Variants in SDSL observed in about 807,000 individuals in gnomAD.
SDSL encodes serine dehydratase like.
SDSL carries 26 observed loss-of-function variants against 27.6 expected under a neutral mutation model. The observed-to-expected ratio is 0.94, with a 90% confidence interval of 0.69 to 1.31. The LOEUF is 1.31. Among genes scored for constraint, SDSL ranks in the 50% most tolerant of loss-of-function variants. The pLI is 0.00. For synonymous variants in SDSL, 196 were observed against 180.6 expected, an observed-to-expected ratio of 1.09 and a Z score of -0.69; for missense variants, 431 against 423.5, an observed-to-expected ratio of 1.02 and a Z score of -0.16.
intron 1 of SDSL, among the ~76,000 whole-genome samples, chr12:113,426,812 G>A (rs949469234): frequency 6.6e-6 from 1 of 152,022 alleles, no homozygotes; most frequent in Non-Finnish European, 1.5e-5. Context: ...GGTGATGTGT[G>A]CCTGTAGTCC....
intron 1 of SDSL, among the ~76,000 whole-genome samples, chr12:113,424,017 T>A (rs190601283): frequency 2.5e-3 from 383 of 152,094 alleles, no homozygotes; most frequent in African/African-American, 8.7e-3. Flanking sequence ...TTTTTTATTA[T>A]TTTTTTTGAG....
chr12:113,435,501 T>G lies in SDSL; in HGVS notation c.616T>G (p.Cys206Gly). 5.6e-6 allele frequency: 9 copies of G among 1,614,168 alleles called. No individual in the cohort carries two copies. Among genetic ancestry groups the G allele is most frequent in the Non-Finnish European group, 7.6e-6 (9 of 1,180,002 alleles). The change falls in exon 6 of 8, where the codon TGC becomes GGC. Residue 206 changes from cysteine (C) to glycine (G), a missense_variant. Cys to Gly is a radical substitution (Grantham distance 159). Transcript: ENST00000403593. ...IIAMETHGAHCFNAAITAGKL... is the reference protein window; with the variant it reads ...IIAMETHGAHGFNAAITAGKL... ...TGCCATGGAGACCCATGGGGCACAC[T>G]GCTTCAATGCGGCCATCACAGCCGG...
chr12:113,429,171 G>T lies in SDSL; in HGVS notation c.226G>T (p.Gly76Cys). 1.2e-6 allele frequency: 2 copies of T among 1,613,204 alleles called. No homozygotes were observed. Among genetic ancestry groups the T allele is most frequent in the Middle Eastern group, 3.4e-4 (2 of 5,846 alleles). The change falls in exon 4 of 8, where the codon GGC (glycine) becomes TGC (cysteine). Residue 76 changes from glycine (G) to cysteine (C), a missense_variant. Transcript: ENST00000403593. ...TCCTTTCTGCACAGGGGGTAATGCG[G>T]GCATCGCTGCTGCCTATGCTGCTAG... ...HLVCSSGGNA[G>C]IAAAYAARKL...
At position 113,432,307 on chromosome 12, in the gene SDSL, TG is replaced by T. The variant is rs1460519365; in HGVS notation, c.355-1826del. Reference sequence around the variant, plus strand: ...TTCTTTCTTTCTCTCTCTCTCTTTCTGTCTCTCTGTCTCTCTCTCTCTCTGT... The same window carrying T: ...TTCTTTCTTTCTCTCTCTCTCTTTCTTCTCTCTGTCTCTCTCTCTCTCTGT... On this transcript the variant is annotated intron_variant, in intron 4 of 7. Transcript: ENST00000403593. 4.1e-3 allele frequency among the ~76,000 whole-genome samples: 611 copies of T among 150,512 alleles called. 10 individuals are homozygous for T. The highest frequency in any genetic ancestry group is 0.014 in the African/African-American group (579 of 40,394).
chr12:113,434,779 T>G (rs1468067485), intron 5 of SDSL, among the ~76,000 whole-genome samples: 1 of 152,112 alleles, frequency 6.6e-6, no homozygotes, highest in Non-Finnish European at 1.5e-5. Context: ...CCTGGGAGGT[T>G]GATGGAGATG....
chr12:113,436,714 C>G (rs1391300214), intron 6 of SDSL, 37 bp from the exon 7 acceptor site: 1 of 1,539,994 alleles, frequency 6.5e-7, no homozygotes, highest in African/African-American at 1.4e-5. Flanking sequence ...TTCCCTGAGC[C>G]CCTGGTCTCC....
rs1465528388 is a variant in SDSL, at chr12:113,434,223, G to A, written c.443+1G>A. On this transcript the variant is annotated splice_donor_variant, in intron 5 of 7. Transcript: ENST00000403593. LOFTEE classifies it high-confidence loss of function. ...CCCCGTTTGACCACCCCCTAATATG[G>A]TAAGGCTGACGCCCCTCTCCCCAGG... 2 of 1,609,234 alleles carry A rather than the reference G, an allele frequency of 1.2e-6. No homozygotes were observed. The highest frequency in any genetic ancestry group is 2.2e-5 in the South Asian group (2 of 90,272).
At chr12:113,434,737 G>A (rs1300283214) in intron 5 of SDSL, among the ~76,000 whole-genome samples, 4 of 152,198 alleles carry the variant, frequency 2.6e-5, no homozygotes. Context: ...AGTTGGGGAG[G>A]GGGCTAAATT....
Position 113,424,213 on chromosome 12 carries a change from G to A in SDSL, c.-22+1736G>A, listed in dbSNP as rs986066958. ...AATTTTGTATTTTTAGTAGAGACGG[G>A]GTTTCTCCATGTTGGCCAGACTGGT... On this transcript the variant is annotated intron_variant, in intron 1 of 7. Transcript: ENST00000403593. Among the ~76,000 whole-genome samples, 25 of 151,970 alleles carry A rather than the reference G, an allele frequency of 1.6e-4. 1 individual carries two copies. The highest frequency in any genetic ancestry group is 5.9e-4 in the Admixed American group (9 of 15,248).
intron 1 of SDSL, among the ~76,000 whole-genome samples, chr12:113,423,571 C>T (rs1320368037): frequency 6.6e-6 from 1 of 152,080 alleles, no homozygotes. Context: ...AGCAAAACTG[C>T]ATCTCTATAA....
intron 6 of SDSL, among the ~76,000 whole-genome samples, 200 bp downstream of exon 6, chr12:113,435,756 T>C (rs990749063): frequency 3.9e-5 from 6 of 152,182 alleles, no homozygotes; most frequent in African/African-American, 1.2e-4. Context: ...GTAAACCTAA[T>C]CAGTTCTTAA....
At chr12:113,432,236 CTTT>C (rs1957933466) in intron 4 of SDSL, among the ~76,000 whole-genome samples, 1 of 119,186 alleles carries the variant, frequency 8.4e-6, no homozygotes, top group Non-Finnish European at 1.8e-5. Context: ...TTCTTTCTTT[CTTT>C]CTTTCTTTCT....
chr12:113,434,433 G>C (rs1313003607), intron 5 of SDSL, among the ~76,000 whole-genome samples: 1 of 152,260 alleles, frequency 6.6e-6, no homozygotes, highest in Non-Finnish European at 1.5e-5. Flanking sequence ...CAGTTTCTAT[G>C]TGTGTAAAAT....
chr12:113,425,499 C>G (rs779970928), intron 1 of SDSL, among the ~76,000 whole-genome samples: 2 of 152,124 alleles, frequency 1.3e-5, no homozygotes, highest in Non-Finnish European at 2.9e-5. Context: ...TGTGAGTGGG[C>G]AGGGGAAGTT....
chr12:113,431,911 ATTTTTTTTT>A (rs34838365), intron 4 of SDSL, among the ~76,000 whole-genome samples: 1 of 131,700 alleles, frequency 7.6e-6, no homozygotes, highest in African/African-American at 2.8e-5. Flanking sequence ...ACGCCTGGCT[ATTTTTTTTT>A]TTTTTTTTGT....
rs376628015 is a variant in SDSL at position 113,435,595 on chromosome 12, T to C, written c.671+39T>C. ...GGGGACATTTGTAGGGGCTGGAGGG[T>C]GGGTGTGCCACTGTCCTAGGGCCTT... On this transcript the variant is annotated intron_variant, in intron 6 of 7. Coordinates refer to ENST00000403593, the MANE Select transcript of SDSL (RefSeq NM_001304993.2). The C allele has an allele frequency of 5.8e-6, 9 of 1,555,102 alleles. No individual in the cohort carries two copies. In the African/African-American group the frequency reaches 1.1e-4, roughly 19 times the overall value.
rs1957965275 is a variant in SDSL, at chr12:113,434,299, A to ACTG, written c.443+77_443+78insCTG. On this transcript the variant is annotated intron_variant, in intron 5 of 7. Transcript: ENST00000403593. ...GAGTCAGGGTCCTCCCATTGGGCAG[A>ACTG]AGGAGAAACTGAGGCCCAGAGGGGA... The ACTG allele has an allele frequency of 6.1e-6, 7 of 1,150,224 alleles. No individual in the cohort carries two copies. The East Asian group carries it at 1.7e-4, about 28-fold the overall frequency. The allele number at this position is 1,150,224 out of a possible 1,614,324, so 71.3% of individuals were successfully genotyped here.
chr12:113,434,019 G>T, intron 4 of SDSL, 115 bp from the exon 5 acceptor site: 1 of 788,706 alleles, frequency 1.3e-6, no homozygotes. Context: ...CTCATCTGCA[G>T]GGCTGTCCCC....
chr12:113,425,591 G>A (rs1375943537), intron 1 of SDSL: 1 of 451,622 alleles, frequency 2.2e-6, no homozygotes, highest in African/African-American at 2.0e-5. Context: ...GGAGCTGGCT[G>A]TATTTTTTCC....
Sources: gnomAD v4.1 joint callset for allele counts (sites outside exome capture counted in the v4.1 genomes callset) on GRCh38, gnomAD v4.1.1 for gene constraint, MANE v1.5 for transcripts, NCBI Gene and HGNC (gene_info 2026-07-23, HGNC 2026-07-21) for gene names.